Variants in TTC29 observed in about 807,000 individuals in gnomAD.
The protein encoded by TTC29 is tetratricopeptide repeat protein 29.
TTC29 carries 49 observed loss-of-function variants against 58.1 expected under a neutral mutation model. The ratio of observed to expected loss-of-function variants is 0.84; its 90% CI spans 0.67 to 1.07. TTC29 has a LOEUF of 1.07. TTC29 is among the 50% of genes least tolerant of loss of function. The pLI is 0.00. For synonymous variants in TTC29, 209 were observed against 196.8 expected (o/e 1.06, Z -0.52); for missense variants, 582 against 555.6 (o/e 1.05, Z -0.48).
intron 4 of TTC29, among the ~76,000 whole-genome samples, chr4:146,925,181 T>C (rs1219205155): frequency 6.6e-6 from 1 of 152,068 alleles, no homozygotes. Context: ...TGTATTCTAC[T>C]GTTGTTTGGT....
At chr4:146,717,787 C>T (rs1380866649) in intron 11 of TTC29, among the ~76,000 whole-genome samples, 1 of 152,038 alleles carries the variant, frequency 6.6e-6, no homozygotes, top group Non-Finnish European at 1.5e-5. Flanking sequence ...CTGAAATGTA[C>T]AATACATTAT....
chr4:146,815,469 A>G (rs1332253101), intron 10 of TTC29, among the ~76,000 whole-genome samples: 1 of 152,138 alleles, frequency 6.6e-6, no homozygotes, highest in African/African-American at 2.4e-5. Context: ...ATCTGGGTGG[A>G]GGTGCTAAAG....
At chr4:146,757,730 G>A (rs149583778) in intron 11 of TTC29, among the ~76,000 whole-genome samples, 3 of 152,104 alleles carry the variant, frequency 2.0e-5, no homozygotes, top group African/African-American at 7.2e-5. Context: ...CATCATATAT[G>A]AAGGAAAGAT....
chr4:146,718,027 T>C (rs996294629), intron 11 of TTC29, among the ~76,000 whole-genome samples: 1 of 152,194 alleles, frequency 6.6e-6, no homozygotes, highest in African/African-American at 2.4e-5. Flanking sequence ...TAGTATACTA[T>C]TCTCCAATTC....
At chr4:146,924,118 G>C (rs1186239990) in intron 4 of TTC29, among the ~76,000 whole-genome samples, 1 of 151,594 alleles carries the variant, frequency 6.6e-6, no homozygotes, top group Non-Finnish European at 1.5e-5. Context: ...TATAGCATGT[G>C]CTATATTACT....
At chr4:146,818,050 A>G (rs1751538571) in intron 10 of TTC29, among the ~76,000 whole-genome samples, 1 of 152,210 alleles carries the variant, frequency 6.6e-6, no homozygotes, top group Non-Finnish European at 1.5e-5. Flanking sequence ...AAAACACCGA[A>G]AGCAATGGCA....
chr4:146,887,525 C>T (rs550177794), intron 6 of TTC29, among the ~76,000 whole-genome samples: 3 of 152,122 alleles, frequency 2.0e-5, no homozygotes, highest in South Asian at 4.2e-4. Flanking sequence ...AGTCTAGCAC[C>T]GGCTGCTAAC....
intron 11 of TTC29, among the ~76,000 whole-genome samples, chr4:146,722,387 C>T (rs922667895): frequency 1.3e-5 from 2 of 151,932 alleles, no homozygotes; most frequent in African/African-American, 4.8e-5. Context: ...AGAATAAAGC[C>T]AGAGGTCCCA....
At chr4:146,820,899 G>A (rs943575877) in intron 9 of TTC29, among the ~76,000 whole-genome samples, 1 of 152,078 alleles carries the variant, frequency 6.6e-6, no homozygotes, top group African/African-American at 2.4e-5. Context: ...AGGCATGGTG[G>A]TGGGCACCTG....
intron 11 of TTC29, among the ~76,000 whole-genome samples, chr4:146,766,354 T>C (rs191621207): frequency 2.0e-5 from 3 of 152,212 alleles, no homozygotes; most frequent in Non-Finnish European, 4.4e-5. Flanking sequence ...TTTTCATTTG[T>C]TATGATTTTC....
intron 11 of TTC29, among the ~76,000 whole-genome samples, chr4:146,716,368 T>C (rs1742929109): frequency 1.3e-5 from 2 of 152,136 alleles, no homozygotes; most frequent in East Asian, 3.8e-4. Flanking sequence ...TGTATTCATG[T>C]TCTTTTCATA....
At chr4:146,729,340 T>G (rs1474255377) in intron 11 of TTC29, among the ~76,000 whole-genome samples, 1 of 152,200 alleles carries the variant, frequency 6.6e-6, no homozygotes, top group African/African-American at 2.4e-5. Context: ...TAACTCTCTT[T>G]TCCTTTTCCT....
At chr4:146,942,507 A>G (rs1167669916) in intron 2 of TTC29, 1 of 808,936 alleles carries the variant, frequency 1.2e-6, no homozygotes, top group Admixed American at 2.4e-5. Flanking sequence ...CATACAGAGC[A>G]TATGGTAAGA....
At chr4:146,902,740 G>A (rs1733236695) in intron 6 of TTC29, among the ~76,000 whole-genome samples, 1 of 152,098 alleles carries the variant, frequency 6.6e-6, no homozygotes, top group Non-Finnish European at 1.5e-5. Flanking sequence ...ACAATGTTCA[G>A]GCGCCTTGCG....
chr4:146,834,397 A>G (rs1009193586), intron 8 of TTC29, among the ~76,000 whole-genome samples: 1 of 152,194 alleles, frequency 6.6e-6, no homozygotes, highest in Non-Finnish European at 1.5e-5. Context: ...AGTTTACACT[A>G]AAAATATTTC....
chr4:146,891,349 G>A (rs1047870864), intron 6 of TTC29, among the ~76,000 whole-genome samples: 12 of 151,862 alleles, frequency 7.9e-5, no homozygotes, highest in Non-Finnish European at 1.5e-4. Flanking sequence ...CTTTCTAGGT[G>A]GGGGAGAAAG....
chr4:146,909,006 C>T lies in TTC29; in HGVS notation c.400+20G>A, dbSNP rs1733709985. The T allele has an allele frequency of 6.2e-7, 1 of 1,605,722 alleles. No homozygotes were observed. The highest frequency in any genetic ancestry group is 8.5e-7 in the Non-Finnish European group (1 of 1,173,292). On this transcript the variant is annotated intron_variant, in intron 5 of 12. Coordinates refer to ENST00000325106, the MANE Select transcript of TTC29 (RefSeq NM_031956.4). Reference sequence around the variant, plus strand: ...GTGTTCTGGCTCCTTCTGTGCTCTGCCCACAGTCCCACCACTTACCTTTCC... The same window carrying T: ...GTGTTCTGGCTCCTTCTGTGCTCTGTCCACAGTCCCACCACTTACCTTTCC...
intron 9 of TTC29, among the ~76,000 whole-genome samples, chr4:146,820,623 T>C (rs1437326126): frequency 1.3e-5 from 2 of 152,172 alleles, no homozygotes; most frequent in Non-Finnish European, 2.9e-5. Flanking sequence ...TGAAAGTTCA[T>C]AGCAGCATTA....
chr4:146,803,669 G>C lies in TTC29; in HGVS notation c.1118C>G (p.Ala373Gly). ...IYNEKGYYNK[A>G]SECFQQAFDT... ...AAAAGCTTGCTGAAAGCATTCAGAA[G>C]CTTTGTTGTAGTATCCCTAAAAAGG... The change falls in exon 11 of 13, where the codon GCT becomes GGT. Residue 373 changes from alanine to glycine, a missense_variant. Transcript: ENST00000325106. 6.3e-7 allele frequency: 1 copy of C among 1,589,768 alleles called. No homozygotes were observed. The highest frequency in any genetic ancestry group is 1.1e-5 in the South Asian group (1 of 88,550).
Sources: gnomAD v4.1 joint callset for allele counts (sites outside exome capture counted in the v4.1 genomes callset) on GRCh38, gnomAD v4.1.1 for gene constraint, MANE v1.5 for transcripts, NCBI Gene and HGNC (gene_info 2026-07-23, HGNC 2026-07-21) for gene names.